Variants in TRAF7 observed in about 807,000 individuals in gnomAD.
TRAF7 encodes the protein E3 ubiquitin-protein ligase TRAF7.
In TRAF7, 45 loss-of-function variants were observed where a neutral mutation model predicts 89.3. That is an observed-to-expected ratio of 0.50 (90% CI 0.40 to 0.65). The LOEUF (loss-of-function observed/expected upper bound fraction) is 0.65. TRAF7 is among the 30% of genes least tolerant of loss of function. The pLI is 0.00. For missense variants in TRAF7, 677 were observed against 918.1 expected, an observed-to-expected ratio of 0.74 and a Z score of 3.39; for synonymous variants, 406 against 369.2, an observed-to-expected ratio of 1.10 and a Z score of -1.14.
At position 2,163,789 on chromosome 16, in the gene TRAF7, C is replaced by T; in HGVS notation, c.-38-94C>T. The T allele has an allele frequency of 1.2e-6, 1 of 831,750 alleles. No homozygotes were observed. 51.5% of individuals were successfully genotyped at this position (831,750 alleles called of 1,614,324 possible). A position where few individuals can be genotyped will look rare whatever the true frequency, so the allele number is the denominator to read the frequency against. On this transcript the variant is annotated intron_variant, in intron 1 of 20. Transcript: ENST00000326181. This position sits in a 1 kb window ranked among gnomAD's most constrained non-coding sequence, Gnocchi z 4.3. Reference sequence around the variant, plus strand: ...AGGCTGCTGCGGCGGCCCCACGGTGCCCCACAGCAGGTCTGCACACTTGCA... The same window carrying T: ...AGGCTGCTGCGGCGGCCCCACGGTGTCCCACAGCAGGTCTGCACACTTGCA...
intron 4 of TRAF7, among the ~76,000 whole-genome samples, chr16:2,169,410 C>T (rs1470191624): frequency 2.0e-5 from 3 of 152,100 alleles, no homozygotes; most frequent in Admixed American, 6.5e-5. Flanking sequence ...CTCCACAACC[C>T]GAAGCCACGA....
intron 11 of TRAF7, 83 bp from the exon 12 acceptor site, chr16:2,173,705 C>G: frequency 1.3e-6 from 2 of 1,588,322 alleles, no homozygotes; most frequent in East Asian, 2.3e-5. Flanking sequence ...CACCCCTGGC[C>G]CAGGGCAGCA....
chr16:2,157,055 G>A (rs967775526), intron 1 of TRAF7, among the ~76,000 whole-genome samples: 19 of 151,860 alleles, frequency 1.3e-4, no homozygotes, highest in Non-Finnish European at 2.1e-4. Context: ...ATTTCATGCC[G>A]CCCAGCCTGT....
chr16:2,177,288 G>A lies in TRAF7; in HGVS notation c.*714G>A, dbSNP rs575632771. On this transcript the variant is annotated 3_prime_UTR_variant, in exon 21 of 21. Transcript: ENST00000326181. ...CGCCCTCTGAGGAGAGGCCTGGGGG[G>A]ACAGCTGGGCACGTCCACTCGCAGG... 188 of 236,648 alleles carry A rather than the reference G, an allele frequency of 7.9e-4. 2 individuals are homozygous for A. The Admixed American group carries it at 9.7e-3, about 12-fold the overall frequency. The allele number at this position is 236,648 out of a possible 1,614,324, so 14.7% of individuals were successfully genotyped here. A position where few individuals can be genotyped will look rare whatever the true frequency, so the allele number is the denominator to read the frequency against.
intron 14 of TRAF7, 88 bp from the exon 15 acceptor site, chr16:2,175,023 T>G: frequency 6.5e-7 from 1 of 1,534,978 alleles, no homozygotes; most frequent in Non-Finnish European, 9.0e-7. Flanking sequence ...TGGTTCCTGA[T>G]GGCTGGCATG....
rs2093133902 is a variant in TRAF7 at position 2,175,969 on chromosome 16, C to G, written c.1746+16C>G. On this transcript the variant is annotated intron_variant, in intron 18 of 20. Coordinates refer to ENST00000326181, the MANE Select transcript of TRAF7 (RefSeq NM_032271.3). ...CCTCATCCACGTAAGGCCTGGGCAT[C>G]TGGGTGCAAGGCCAGACTGTGGCCC... 1.2e-6 allele frequency: 2 copies of G among 1,612,978 alleles called. No individual in the cohort carries two copies. The highest frequency in any genetic ancestry group is 1.7e-6 in the Non-Finnish European group (2 of 1,179,886).
In TRAF7 at chr16:2,175,860, C is replaced by T. The variant is rs1395358693; in HGVS notation, c.1653C>T (p.Cys551=). Residue 551 remains cysteine, a synonymous_variant, in exon 18 of 21, where the codon TGC becomes TGT. Transcript: ENST00000326181. The part of the protein sequence containing the change: ...IKIWDIRTLD[C]IHVLQTSGGS... ...TCTGGGACATCCGAACCCTTGACTG[C>T]ATCCACGTCCTGCAGACGTCTGGTG... The T allele has an allele frequency of 8.7e-6, 14 of 1,613,446 alleles. No individual in the cohort carries two copies. Among genetic ancestry groups the T allele is most frequent in the Non-Finnish European group, 1.1e-5 (13 of 1,179,994 alleles).
chr16:2,164,093 C>T, intron 2 of TRAF7, 92 bp downstream of exon 2: 3 of 1,246,720 alleles, frequency 2.4e-6, no homozygotes, highest in Non-Finnish European at 3.3e-6. Flanking sequence ...CCAGCGCAGT[C>T]CCGTCCCGAG....
intron 1 of TRAF7, among the ~76,000 whole-genome samples, chr16:2,160,663 A>G (rs1378199020): frequency 2.0e-5 from 3 of 152,016 alleles, no homozygotes; most frequent in Non-Finnish European, 4.4e-5. Context: ...AGCTGCCCCC[A>G]TGGCTTTTCC....
chr16:2,172,079 G>A, intron 7 of TRAF7, 112 bp from the exon 8 acceptor site: 2 of 1,311,744 alleles, frequency 1.5e-6, no homozygotes, highest in East Asian at 2.5e-5. Context: ...CATGTTGCGT[G>A]CCTCAGAGGC....
Position 2,161,093 on chromosome 16 carries a change from C to A in TRAF7, c.-38-2790C>A, listed in dbSNP as rs1181736353. On this transcript the variant is annotated intron_variant, in intron 1 of 20. Coordinates refer to ENST00000326181, the MANE Select transcript of TRAF7 (RefSeq NM_032271.3). The surrounding 1 kb of genome is among the most constrained non-coding windows in gnomAD (Gnocchi z 5.2). ...CTGGCCTCCAGCCCCAGGGTCCCGC[C>A]CGCCTCCATGTCCCTGGCTGGGGCT... Among the ~76,000 whole-genome samples the A allele has an allele frequency of 6.6e-6, 1 of 152,226 alleles. No individual in the cohort carries two copies. Among genetic ancestry groups the A allele is most frequent in the East Asian group, 1.9e-4 (1 of 5,176 alleles).
Position 2,165,944 on chromosome 16 carries a change from C to G in TRAF7, c.139+8C>G, listed in dbSNP as rs1312868070. 6.2e-7 allele frequency: 1 copy of G among 1,614,092 alleles called. No homozygotes were observed. On this transcript the variant is annotated splice_region_variant and intron_variant, in intron 3 of 20. Coordinates refer to ENST00000326181, the MANE Select transcript of TRAF7 (RefSeq NM_032271.3). ...TCACCACCATCACAAAAGGTGAGCC[C>G]TTAAGCCAAGGCCAGCCCAGGCTGG...
intron 1 of TRAF7, among the ~76,000 whole-genome samples, chr16:2,156,287 T>G (rs959350040): frequency 1.3e-5 from 2 of 152,012 alleles, no homozygotes; most frequent in Non-Finnish European, 2.9e-5. Context: ...CTGTACATTG[T>G]AGGATGTGGA....
rs969844048 is a variant in TRAF7, at chr16:2,171,191, G to A, written c.349-73G>A. The A allele has an allele frequency of 4.9e-5, 62 of 1,268,858 alleles. No homozygotes were observed. In the African/African-American group the frequency reaches 6.8e-4, roughly 14 times the overall value. 78.6% of individuals were successfully genotyped at this position (1,268,858 alleles called of 1,614,324 possible). On this transcript the variant is annotated intron_variant, in intron 5 of 20. Coordinates refer to ENST00000326181, the MANE Select transcript of TRAF7 (RefSeq NM_032271.3). ...GGACAGCCAGGCCTGGAGCAAGAGCGCCTGGGTGCCTGGGTGGTGGCGGGG... is the reference window on the plus strand; with the variant it reads ...GGACAGCCAGGCCTGGAGCAAGAGCACCTGGGTGCCTGGGTGGTGGCGGGG...
chr16:2,175,111 G>T lies in TRAF7; in HGVS notation c.1347G>T (p.Gly449=), dbSNP rs774734686. 1.2e-6 allele frequency: 2 copies of T among 1,613,862 alleles called. No individual in the cohort carries two copies. Among genetic ancestry groups the T allele is most frequent in the Non-Finnish European group, 1.7e-6 (2 of 1,179,954 alleles). The change falls in exon 15 of 21, where the codon GGG becomes GGT. Residue 449 remains glycine (G), a splice_region_variant and synonymous_variant. Transcript: ENST00000326181. ...DGIVLALCIQ[G]CKLYSGSADC... Reference sequence around the variant, plus strand: ...TGACACATTGTCTCTGCTTCCCCAGGTGCAAACTCTACAGCGGCTCTGCAG... The same window carrying T: ...TGACACATTGTCTCTGCTTCCCCAGTTGCAAACTCTACAGCGGCTCTGCAG...
chr16:2,166,067 A>C, intron 3 of TRAF7, 131 bp downstream of exon 3: 27 of 1,119,346 alleles, frequency 2.4e-5, no homozygotes, highest in Non-Finnish European at 3.4e-5. Context: ...GGGCAGCCTC[A>C]CACCGCAGCC....
At chr16:2,170,512 G>C in intron 4 of TRAF7, 102 bp from the exon 5 acceptor site, 1 of 821,382 alleles carries the variant, frequency 1.2e-6, no homozygotes, top group Non-Finnish European at 2.0e-6. Flanking sequence ...GGTGGCCCCA[G>C]GGGTGCTGCT....
rs2093131912 is a variant in TRAF7, at chr16:2,175,500, G to A, written c.1504G>A (p.Val502Ile). Residue 502 changes from valine to isoleucine, a missense_variant and splice_region_variant, in exon 17 of 21, where the codon GTC (valine) becomes ATC (isoleucine). Physicochemically the swap from Val to Ile is conservative, Grantham distance 29. Coordinates refer to ENST00000326181, the MANE Select transcript of TRAF7 (RefSeq NM_032271.3). ...CCCACAGTTGCAGCAATCCCTGCAG[G>A]TCTGGGACATCGTGGGCACTGAGCT... ...LFSGSLKAIK[V>I]WDIVGTELKL... 3 of 1,613,382 alleles carry A rather than the reference G, an allele frequency of 1.9e-6. No individual in the cohort carries two copies. Among genetic ancestry groups the A allele is most frequent in the Non-Finnish European group, 2.5e-6 (3 of 1,179,964 alleles).
chr16:2,157,236 G>A (rs1332192540), intron 1 of TRAF7, among the ~76,000 whole-genome samples: 2 of 152,040 alleles, frequency 1.3e-5, no homozygotes, highest in South Asian at 2.1e-4. Context: ...TCACTGTTCT[G>A]GGCATTCATA....
Sources: allele counts gnomAD v4.1 joint callset (sites outside exome capture counted in the v4.1 genomes callset), GRCh38; gene constraint gnomAD v4.1.1; non-coding constraint Gnocchi (gnomAD v3.1); transcripts MANE v1.5; gene names NCBI Gene and HGNC (gene_info 2026-07-23, HGNC 2026-07-21).